GRM7: variants seen among roughly 807,000 people sequenced by gnomAD.
The protein encoded by GRM7 is metabotropic glutamate receptor 7.
A neutral mutation model predicts 84.5 loss-of-function variants in GRM7; 35 were observed. The ratio of observed to expected loss-of-function variants is 0.41; its 90% CI spans 0.32 to 0.55. The LOEUF is 0.55. Among genes scored for constraint, GRM7 ranks in the 20% least tolerant of loss-of-function variants. GRM7 has a pLI of 0.19. For missense variants in GRM7, 1,003 were observed against 1,194.6 expected, an observed-to-expected ratio of 0.84 and a Z score of 2.36; for synonymous variants, 487 against 455.1, an observed-to-expected ratio of 1.07 and a Z score of -0.89.
intron 1 of GRM7, among the ~76,000 whole-genome samples, chr3:7,062,772 C>T (rs1049191925): frequency 6.6e-6 from 1 of 151,714 alleles, no homozygotes; most frequent in African/African-American, 2.4e-5. Flanking sequence ...TTGTCATCAA[C>T]ACACTTAAAA....
At position 7,288,568 on chromosome 3, in the gene GRM7, A is replaced by G. The variant is rs558789622; in HGVS notation, c.737-10116A>G. Among the ~76,000 whole-genome samples the G allele has an allele frequency of 3.3e-5, 5 of 152,168 alleles. No homozygotes were observed. In the South Asian group the frequency reaches 6.2e-4, roughly 19 times the overall value. On this transcript the variant is annotated intron_variant, in intron 2 of 9. Coordinates refer to ENST00000357716, the MANE Select transcript of GRM7 (RefSeq NM_000844.4). ...ATCCGTAAAGTGGACCCATACCCCCACTTCTGTCTATCTCTGGCATTACGT... is the reference window on the plus strand; with the variant it reads ...ATCCGTAAAGTGGACCCATACCCCCGCTTCTGTCTATCTCTGGCATTACGT...
Position 7,428,977 on chromosome 3 carries a change from T to C in GRM7, c.1174+13814T>C, listed in dbSNP as rs556740814. ...CATCAGGACATAACTCAGTAGCTCT[T>C]GCTTCTTCTTTTTGAGGGGAATTGC... On this transcript the variant is annotated intron_variant, in intron 5 of 9. Transcript: ENST00000357716. Among the ~76,000 whole-genome samples the C allele has an allele frequency of 1.7e-3, 263 of 152,338 alleles. 2 individuals carry two copies. The highest frequency in any genetic ancestry group is 6.0e-3 in the African/African-American group (248 of 41,588).
At chr3:6,964,892 T>A (rs774598475) in intron 1 of GRM7, among the ~76,000 whole-genome samples, 8 of 152,208 alleles carry the variant, frequency 5.3e-5, no homozygotes, top group Non-Finnish European at 1.0e-4. Flanking sequence ...CACTTTCACT[T>A]GTCTCTTTTT....
At chr3:7,490,354 G>C (rs574146925) in intron 7 of GRM7, among the ~76,000 whole-genome samples, 208 of 152,194 alleles carry the variant, frequency 1.4e-3, no homozygotes, top group Non-Finnish European at 1.9e-3. Context: ...TGAAATATAT[G>C]AACTGAAGAG....
intron 1 of GRM7, among the ~76,000 whole-genome samples, chr3:7,082,963 A>T (rs1052679035): frequency 5.3e-5 from 8 of 152,310 alleles, no homozygotes; most frequent in South Asian, 4.1e-4. Flanking sequence ...TGACTTCTTG[A>T]GATGGAATCT....
intron 1 of GRM7, among the ~76,000 whole-genome samples, chr3:7,115,625 C>A (rs150692607): frequency 3.3e-5 from 5 of 152,220 alleles, no homozygotes; most frequent in Non-Finnish European, 5.9e-5. Context: ...GTTACTCTTC[C>A]CTGGAGACTT....
At chr3:7,415,466 T>C (rs1696122426) in intron 5 of GRM7, among the ~76,000 whole-genome samples, 1 of 152,128 alleles carries the variant, frequency 6.6e-6, no homozygotes, top group Admixed American at 6.6e-5. Flanking sequence ...GAAGTCATTT[T>C]CACATAGACA....
chr3:6,952,179 G>T (rs369354151), intron 1 of GRM7, among the ~76,000 whole-genome samples: 36 of 152,092 alleles, frequency 2.4e-4, no homozygotes, highest in African/African-American at 7.5e-4. Context: ...TCCAAGGGTC[G>T]TTAGGAAGGA....
At chr3:6,918,252 G>A (rs1049029030) in intron 1 of GRM7, among the ~76,000 whole-genome samples, 2 of 152,150 alleles carry the variant, frequency 1.3e-5, no homozygotes, top group African/African-American at 2.4e-5. Context: ...AAGTTCAGGA[G>A]GGAATACAGC....
At chr3:6,950,886 T>C (rs1439886687) in intron 1 of GRM7, among the ~76,000 whole-genome samples, 1 of 152,160 alleles carries the variant, frequency 6.6e-6, no homozygotes, top group African/African-American at 2.4e-5. Context: ...CAGTGTGCCG[T>C]TTGATAAGCC....
chr3:7,118,222 C>T (rs1693104794), intron 1 of GRM7, among the ~76,000 whole-genome samples: 1 of 151,616 alleles, frequency 6.6e-6, no homozygotes, highest in Non-Finnish European at 1.5e-5. Context: ...CCTGTCTCTA[C>T]AAAAAATAAA....
At chr3:7,725,911 C>T (rs1053837933) in intron 9 of GRM7, among the ~76,000 whole-genome samples, 2 of 152,016 alleles carry the variant, frequency 1.3e-5, no homozygotes, top group Admixed American at 6.6e-5. Context: ...AAATTCCACT[C>T]CAACGTTAGG....
intron 8 of GRM7, among the ~76,000 whole-genome samples, chr3:7,592,391 G>A (rs962591273): frequency 6.6e-6 from 1 of 152,184 alleles, no homozygotes; most frequent in Non-Finnish European, 1.5e-5. Flanking sequence ...ACCATGAGGA[G>A]ATCTAAGAGA....
At chr3:7,520,526 C>A (rs1442350940) in intron 7 of GRM7, among the ~76,000 whole-genome samples, 1 of 150,514 alleles carries the variant, frequency 6.6e-6, no homozygotes, top group African/African-American at 2.4e-5. Flanking sequence ...AAAAAAAACA[C>A]CACCATGGGA....
At chr3:7,553,535 C>T (rs1382937997) in intron 7 of GRM7, among the ~76,000 whole-genome samples, 1 of 152,108 alleles carries the variant, frequency 6.6e-6, no homozygotes, top group Non-Finnish European at 1.5e-5. Context: ...AGGAAAGAGG[C>T]TTAATTGACT....
chr3:7,459,601 A>G (rs879713600), intron 6 of GRM7, among the ~76,000 whole-genome samples: 1 of 151,834 alleles, frequency 6.6e-6, no homozygotes. Flanking sequence ...GAAAGGGGAA[A>G]CCCCTTTTAA....
At chr3:7,476,723 C>T (rs1384069043) in intron 7 of GRM7, among the ~76,000 whole-genome samples, 2 of 152,158 alleles carry the variant, frequency 1.3e-5, no homozygotes, top group Non-Finnish European at 2.9e-5. Context: ...AATCAGATGG[C>T]CATTCCCAGC....
intron 1 of GRM7, among the ~76,000 whole-genome samples, chr3:6,986,145 A>T (rs541104819): frequency 4.8e-4 from 73 of 152,322 alleles, no homozygotes; most frequent in African/African-American, 1.7e-3. Flanking sequence ...GTAACACGGT[A>T]TTATGCACTT....
chr3:6,939,368 A>G (rs1697808754), intron 1 of GRM7, among the ~76,000 whole-genome samples: 1 of 151,960 alleles, frequency 6.6e-6, no homozygotes, highest in South Asian at 2.1e-4. Context: ...ATAGGATAAC[A>G]CCTCCTACCA....
Sources: gnomAD v4.1 joint callset for allele counts (sites outside exome capture counted in the v4.1 genomes callset) on GRCh38, gnomAD v4.1.1 for gene constraint, MANE v1.5 for transcripts, NCBI Gene and HGNC (gene_info 2026-07-23, HGNC 2026-07-21) for gene names.